WDPCP: variants seen among roughly 807,000 people sequenced by gnomAD.
The protein encoded by WDPCP is WD repeat containing planar cell polarity effector, also known as WD repeat-containing and planar cell polarity effector protein fritz homolog.
Under a neutral mutation model 93.1 loss-of-function variants are expected in WDPCP, and 71 were observed. The observed-to-expected ratio is 0.76, with a 90% CI of 0.63 to 0.93. WDPCP has a LOEUF of 0.93. WDPCP is among the 40% of genes least tolerant of loss of function. The pLI is 0.00. For missense variants in WDPCP, 844 were observed against 887.4 expected (o/e 0.95, Z 0.62); for synonymous variants, 315 against 315.0 (o/e 1.00, Z 0.00).
chr2:63,302,596 A>C (rs1685415914), intron 13 of WDPCP, among the ~76,000 whole-genome samples: 1 of 152,346 alleles, frequency 6.6e-6, no homozygotes, highest in Middle Eastern at 3.4e-3. Context: ...ATTTCTTACC[A>C]GTTGGGCTTT....
intron 12 of WDPCP, among the ~76,000 whole-genome samples, chr2:63,376,368 A>G (rs1350077795): frequency 1.3e-5 from 2 of 151,974 alleles, no homozygotes; most frequent in South Asian, 4.1e-4. Context: ...TAGTGACCTT[A>G]TCAAAGTATG....
chr2:63,176,575 C>T (rs937586726), intron 14 of WDPCP, among the ~76,000 whole-genome samples: 1 of 152,094 alleles, frequency 6.6e-6, no homozygotes, highest in African/African-American at 2.4e-5. Flanking sequence ...GGCACCCAGC[C>T]CCCTTGCCCA....
chr2:63,439,906 G>A, intron 6 of WDPCP, 35 bp from the exon 7 acceptor site: 1 of 1,488,316 alleles, frequency 6.7e-7, no homozygotes, highest in Non-Finnish European at 9.4e-7. Flanking sequence ...GAGGGAGGAA[G>A]ACATGCTGTG....
intron 1 of WDPCP, among the ~76,000 whole-genome samples, chr2:63,503,134 A>C (rs1222986685): frequency 6.6e-6 from 1 of 152,218 alleles, no homozygotes; most frequent in Non-Finnish European, 1.5e-5. Context: ...GGTTTAATTC[A>C]CTTAGTTAAA....
intron 6 of WDPCP, among the ~76,000 whole-genome samples, chr2:63,470,167 C>T (rs1454216121): frequency 2.6e-5 from 4 of 152,204 alleles, no homozygotes; most frequent in African/African-American, 9.6e-5. Context: ...TCAGTCTCCT[C>T]TGTTTCTCTG....
chr2:63,467,832 G>T (rs914486433), intron 6 of WDPCP, among the ~76,000 whole-genome samples: 1 of 150,176 alleles, frequency 6.7e-6, no homozygotes, highest in Non-Finnish European at 1.5e-5. Context: ...TCAAGGGCAT[G>T]ATATTAAACT....
intron 10 of WDPCP, among the ~76,000 whole-genome samples, chr2:63,382,922 A>G (rs76458393): frequency 0.039 from 6,009 of 152,212 alleles, 239 homozygotes; most frequent in African/African-American, 0.11. Context: ...GCCTGCAGTC[A>G]GGCATTGGAA....
chr2:63,283,286 G>T (rs1306169052), intron 13 of WDPCP, among the ~76,000 whole-genome samples: 1 of 152,222 alleles, frequency 6.6e-6, no homozygotes, highest in East Asian at 1.9e-4. Context: ...CAAGCAATCC[G>T]CCTGCCTGAA....
At chr2:63,766,335 T>A (rs1463102248) in intron 2 of WDPCP, among the ~76,000 whole-genome samples, 1 of 143,608 alleles carries the variant, frequency 7.0e-6, no homozygotes, top group African/African-American at 2.6e-5. Context: ...AAATATTAAA[T>A]TTTTTTTTTT....
intron 13 of WDPCP, among the ~76,000 whole-genome samples, chr2:63,284,936 T>C (rs193220197): frequency 4.0e-5 from 6 of 151,832 alleles, no homozygotes; most frequent in Non-Finnish European, 4.4e-5. Flanking sequence ...CACAAAAAAA[T>C]TTAAAAATGA....
chr2:63,614,493 G>A (rs1216335372), intron 3 of WDPCP, among the ~76,000 whole-genome samples: 1 of 152,160 alleles, frequency 6.6e-6, no homozygotes, highest in East Asian at 1.9e-4. Flanking sequence ...ACAGCCCAAG[G>A]TATGATGTCT....
At chr2:63,145,717 AAGT>A (rs1305768829) in intron 17 of WDPCP, among the ~76,000 whole-genome samples, 1 of 152,128 alleles carries the variant, frequency 6.6e-6, no homozygotes, top group African/African-American at 2.4e-5. Flanking sequence ...CTGAATTTTA[AAGT>A]AGTTTTTATC....
intron 15 of WDPCP, among the ~76,000 whole-genome samples, chr2:63,172,061 A>G (rs911043337): frequency 3.3e-5 from 5 of 152,250 alleles, no homozygotes; most frequent in Non-Finnish European, 5.9e-5. Flanking sequence ...GAAATTGGGC[A>G]TAAGGGAACT....
chr2:63,379,355 T>C (rs756158587), intron 11 of WDPCP, among the ~76,000 whole-genome samples: 11 of 152,170 alleles, frequency 7.2e-5, no homozygotes, highest in Non-Finnish European at 1.6e-4. Flanking sequence ...CAAAACTCTT[T>C]AGTTTTAGGC....
intron 6 of WDPCP, among the ~76,000 whole-genome samples, chr2:63,470,664 T>C (rs1699638471): frequency 6.6e-6 from 1 of 152,202 alleles, no homozygotes; most frequent in Admixed American, 6.5e-5. Flanking sequence ...GTGATCCAAT[T>C]AAAAAGTAAA....
chr2:63,737,426 A>T (rs1225311146), intron 2 of WDPCP, among the ~76,000 whole-genome samples: 1 of 152,242 alleles, frequency 6.6e-6, no homozygotes, highest in Non-Finnish European at 1.5e-5. Context: ...CACAGAACTC[A>T]GAGACAGATG....
At chr2:63,787,836 T>A (rs1175465263) in intron 2 of WDPCP, among the ~76,000 whole-genome samples, 10 of 151,896 alleles carry the variant, frequency 6.6e-5, no homozygotes, top group Non-Finnish European at 4.4e-5. Context: ...GGTCAGGAGT[T>A]CAAGACCAGC....
At chr2:63,760,733 T>C (rs1670044795) in intron 2 of WDPCP, among the ~76,000 whole-genome samples, 1 of 152,188 alleles carries the variant, frequency 6.6e-6, no homozygotes, top group African/African-American at 2.4e-5. Flanking sequence ...CTCTTCCAAC[T>C]TGGTGGGTTG....
intron 9 of WDPCP, among the ~76,000 whole-genome samples, chr2:63,420,360 T>C (rs1156402705): frequency 8.0e-5 from 4 of 50,288 alleles, no homozygotes; most frequent in African/African-American, 3.9e-4. Context: ...CCATCTTTAC[T>C]TAAAAAAAAA....
Sources: allele counts gnomAD v4.1 joint callset (sites outside exome capture counted in the v4.1 genomes callset), GRCh38; gene constraint gnomAD v4.1.1; transcripts MANE v1.5; gene names NCBI Gene and HGNC (gene_info 2026-07-23, HGNC 2026-07-21).